SNTG2: variants seen among roughly 807,000 people sequenced by gnomAD.
The protein encoded by SNTG2 is syntrophin gamma 2, also known as gamma-2-syntrophin.
SNTG2 carries 74 observed loss-of-function variants against 70.9 expected under a neutral mutation model. The observed-to-expected ratio is 1.04, with a 90% CI of 0.86 to 1.27. The LOEUF is 1.27. SNTG2 is among the 50% of genes most tolerant of loss of function. The pLI is 0.00. For synonymous variants in SNTG2, 278 were observed against 273.8 expected (o/e 1.02, Z -0.15); for missense variants, 717 against 690.7 (o/e 1.04, Z -0.43).
chr2:1,189,876 A>G (rs191033344), intron 8 of SNTG2, among the ~76,000 whole-genome samples: 67 of 152,298 alleles, frequency 4.4e-4, no homozygotes, highest in African/African-American at 1.4e-3. Flanking sequence ...AATACTTCAT[A>G]TAACAGAGGG....
chr2:1,265,561 A>T (rs918785574), intron 13 of SNTG2, among the ~76,000 whole-genome samples: 2 of 152,228 alleles, frequency 1.3e-5, no homozygotes, highest in Non-Finnish European at 2.9e-5. Context: ...GAGCCAGGGC[A>T]TCCCCCCGGA....
intron 4 of SNTG2, among the ~76,000 whole-genome samples, chr2:1,131,454 A>G (rs1171970138): frequency 6.6e-6 from 1 of 152,056 alleles, no homozygotes; most frequent in Admixed American, 6.6e-5. Context: ...CTGTCAGATT[A>G]TGTATTTTAG....
intron 1 of SNTG2, among the ~76,000 whole-genome samples, chr2:1,029,055 G>A (rs1236566232): frequency 5.9e-5 from 9 of 152,100 alleles, no homozygotes; most frequent in Non-Finnish European, 1.0e-4. Context: ...GGGCTCCGGC[G>A]GCCTGGACAG....
At chr2:1,083,406 G>A (rs1166643927) in intron 1 of SNTG2, 112 bp from the exon 2 acceptor site, 8 of 1,039,454 alleles carry the variant, frequency 7.7e-6, no homozygotes, top group Middle Eastern at 2.1e-4. Flanking sequence ...GCACACGCGA[G>A]CACTACACGT....
intron 1 of SNTG2, among the ~76,000 whole-genome samples, chr2:987,196 A>T (rs1262719106): frequency 6.6e-6 from 1 of 152,154 alleles, no homozygotes; most frequent in Admixed American, 6.5e-5. Context: ...CTTAGAGGAG[A>T]TGGAGCTTTT....
chr2:988,734 T>C (rs886921475), intron 1 of SNTG2, among the ~76,000 whole-genome samples: 9 of 152,192 alleles, frequency 5.9e-5, no homozygotes, highest in Non-Finnish European at 1.5e-5. Flanking sequence ...ATGGGATTTT[T>C]TTTTTTGCAT....
At chr2:1,049,965 T>G (rs558076461) in intron 1 of SNTG2, among the ~76,000 whole-genome samples, 1 of 152,380 alleles carries the variant, frequency 6.6e-6, no homozygotes, top group Non-Finnish European at 1.5e-5. Context: ...TATTCAGATC[T>G]TTGCAGACTT....
At chr2:1,085,025 G>A (rs1322012898) in intron 2 of SNTG2, among the ~76,000 whole-genome samples, 1 of 152,162 alleles carries the variant, frequency 6.6e-6, no homozygotes, top group Non-Finnish European at 1.5e-5. Flanking sequence ...GCGTTCAAGA[G>A]GCCACTGTCG....
At chr2:998,135 C>T (rs1661753425) in intron 1 of SNTG2, among the ~76,000 whole-genome samples, 1 of 152,108 alleles carries the variant, frequency 6.6e-6, no homozygotes, top group African/African-American at 2.4e-5. Flanking sequence ...ATTATAGTCA[C>T]ATCCTCAAGG....
chr2:1,217,695 G>A (rs28464510), intron 9 of SNTG2, among the ~76,000 whole-genome samples: 1,584 of 152,218 alleles, frequency 0.01, 20 homozygotes, highest in African/African-American at 0.035. Context: ...ATGTAGAAAT[G>A]TATGTACATT....
chr2:1,204,376 C>CATGTAA (rs1673494389), intron 8 of SNTG2, among the ~76,000 whole-genome samples: 1 of 152,148 alleles, frequency 6.6e-6, no homozygotes, highest in East Asian at 1.9e-4. Flanking sequence ...AATACAGCAA[C>CATGTAA]ATGTAAAAAG....
intron 6 of SNTG2, among the ~76,000 whole-genome samples, chr2:1,155,178 C>CACACACACA (rs72116428): frequency 6.7e-6 from 1 of 150,254 alleles, no homozygotes; most frequent in Non-Finnish European, 1.5e-5. Flanking sequence ...GACCCCCCCC[C>CACACACACA]CACACACATA....
chr2:1,229,919 G>T (rs918993619), intron 9 of SNTG2, among the ~76,000 whole-genome samples: 42 of 152,188 alleles, frequency 2.8e-4, no homozygotes, highest in Admixed American at 2.7e-3. Flanking sequence ...ACGCCCACCC[G>T]GAACTCCAGC....
At chr2:1,223,426 G>T (rs367821458) in intron 9 of SNTG2, among the ~76,000 whole-genome samples, 3 of 152,316 alleles carry the variant, frequency 2.0e-5, no homozygotes, top group Admixed American at 6.5e-5. Flanking sequence ...TCCCTGTCCT[G>T]CCTGCAGCCC....
At chr2:1,118,245 G>A (rs1020130690) in intron 4 of SNTG2, among the ~76,000 whole-genome samples, 5 of 152,144 alleles carry the variant, frequency 3.3e-5, no homozygotes, top group Admixed American at 1.3e-4. Context: ...CTTGTGGGCC[G>A]TGTCAGACCC....
At chr2:1,220,856 G>A (rs1293707255) in intron 9 of SNTG2, among the ~76,000 whole-genome samples, 1 of 152,156 alleles carries the variant, frequency 6.6e-6, no homozygotes, top group African/African-American at 2.4e-5. Context: ...CCAGCCCTGG[G>A]CCGCCCCCTC....
chr2:1,033,340 C>T (rs1310930451), intron 1 of SNTG2, among the ~76,000 whole-genome samples: 1 of 152,028 alleles, frequency 6.6e-6, no homozygotes, highest in Non-Finnish European at 1.5e-5. Context: ...GAGAGTAGAG[C>T]CTTCCAGGGG....
chr2:1,215,982 C>G (rs192874642), intron 9 of SNTG2, among the ~76,000 whole-genome samples: 1 of 152,158 alleles, frequency 6.6e-6, no homozygotes, highest in African/African-American at 2.4e-5. Context: ...GGTTCCAAGT[C>G]TTTGCTATTG....
intron 4 of SNTG2, among the ~76,000 whole-genome samples, chr2:1,135,696 T>G (rs988036429): frequency 3.3e-5 from 5 of 152,218 alleles, no homozygotes; most frequent in African/African-American, 1.2e-4. Context: ...CACTTCAGAC[T>G]GGGTGACAAG....
Sources: gnomAD v4.1 joint callset for allele counts (sites outside exome capture counted in the v4.1 genomes callset) on GRCh38, gnomAD v4.1.1 for gene constraint, MANE v1.5 for transcripts, NCBI Gene and HGNC (gene_info 2026-07-23, HGNC 2026-07-21) for gene names.